TBC1D22A: variants seen among roughly 807,000 people sequenced by gnomAD.
TBC1D22A encodes the protein putative GTPase activator.
Under a neutral mutation model 60.2 loss-of-function variants are expected in TBC1D22A, and 38 were observed. That is an observed-to-expected ratio of 0.63 (90% CI 0.49 to 0.83). The LOEUF (loss-of-function observed/expected upper bound fraction) is 0.83. TBC1D22A is among the 40% of genes least tolerant of loss of function. TBC1D22A has a pLI of 0.00. For synonymous variants in TBC1D22A, 302 were observed against 281.7 expected, an observed-to-expected ratio of 1.07 and a Z score of -0.72; for missense variants, 628 against 701.0, an observed-to-expected ratio of 0.90 and a Z score of 1.18.
At chr22:46,880,103 T>C (rs1197501970) in intron 5 of TBC1D22A, among the ~76,000 whole-genome samples, 2 of 152,192 alleles carry the variant, frequency 1.3e-5, no homozygotes, top group Non-Finnish European at 2.9e-5. Flanking sequence ...AAGTTTATTT[T>C]GCCAAGGTTG....
intron 4 of TBC1D22A, among the ~76,000 whole-genome samples, chr22:46,801,986 TG>T (rs1193358015): frequency 6.6e-6 from 1 of 152,232 alleles, no homozygotes; most frequent in Non-Finnish European, 1.5e-5. Flanking sequence ...TGAAGGGGCC[TG>T]GGCCCTTGGT....
chr22:46,985,550 T>G (rs922194386), intron 9 of TBC1D22A, among the ~76,000 whole-genome samples: 7 of 152,252 alleles, frequency 4.6e-5, no homozygotes, highest in African/African-American at 1.7e-4. Context: ...TTACAGTAGC[T>G]TTGAAAACCC....
intron 11 of TBC1D22A, among the ~76,000 whole-genome samples, chr22:47,054,011 C>T (rs1226354371): frequency 6.6e-6 from 1 of 152,182 alleles, no homozygotes; most frequent in Non-Finnish European, 1.5e-5. Flanking sequence ...ATCAGTCATC[C>T]GGCTTCGAAG....
intron 8 of TBC1D22A, among the ~76,000 whole-genome samples, chr22:46,958,378 C>G (rs1295894492): frequency 6.6e-6 from 1 of 152,154 alleles, no homozygotes; most frequent in Non-Finnish European, 1.5e-5. Flanking sequence ...CCAGGGCAGC[C>G]TGTATCCTCT....
chr22:46,844,500 G>A (rs1313632491), intron 4 of TBC1D22A, among the ~76,000 whole-genome samples: 1 of 152,236 alleles, frequency 6.6e-6, no homozygotes, highest in Non-Finnish European at 1.5e-5. Flanking sequence ...CCAGATGTCT[G>A]TGTGGTTGAG....
chr22:47,034,963 C>T (rs1017415012), intron 10 of TBC1D22A, among the ~76,000 whole-genome samples: 1 of 152,276 alleles, frequency 6.6e-6, no homozygotes, highest in East Asian at 1.9e-4. Flanking sequence ...TCCTGAGGCA[C>T]CAGCGTTCCC....
At chr22:46,816,125 G>T (rs1283020069) in intron 4 of TBC1D22A, among the ~76,000 whole-genome samples, 1 of 152,112 alleles carries the variant, frequency 6.6e-6, no homozygotes, top group Admixed American at 6.5e-5. Flanking sequence ...TGTCCTGGGA[G>T]CCTGCCCTGG....
chr22:46,843,246 C>T (rs1200276033), intron 4 of TBC1D22A, among the ~76,000 whole-genome samples: 1 of 152,116 alleles, frequency 6.6e-6, no homozygotes, highest in Non-Finnish European at 1.5e-5. Flanking sequence ...ATTCGGTGTA[C>T]TAATACAGTA....
At chr22:47,017,785 T>C (rs2061956346) in intron 10 of TBC1D22A, among the ~76,000 whole-genome samples, 1 of 152,242 alleles carries the variant, frequency 6.6e-6, no homozygotes, top group Non-Finnish European at 1.5e-5. Flanking sequence ...GTTCTTTGTA[T>C]GTAATGGTGA....
chr22:47,072,557 C>T (rs531168172), intron 11 of TBC1D22A, among the ~76,000 whole-genome samples: 1 of 152,216 alleles, frequency 6.6e-6, no homozygotes, highest in Non-Finnish European at 1.5e-5. Context: ...CTTGGCCACA[C>T]CCCTGTTAGC....
chr22:46,797,185 C>G (rs1349820921), intron 3 of TBC1D22A, among the ~76,000 whole-genome samples: 2 of 152,188 alleles, frequency 1.3e-5, no homozygotes, highest in African/African-American at 4.8e-5. Context: ...CCCGAGGGGC[C>G]CTGGAGTTTT....
intron 11 of TBC1D22A, among the ~76,000 whole-genome samples, chr22:47,060,757 C>G (rs1289053429): frequency 1.3e-5 from 2 of 152,186 alleles, no homozygotes; most frequent in Non-Finnish European, 2.9e-5. Flanking sequence ...GAGGAAAATG[C>G]TGCCAGAAAG....
At chr22:46,806,896 G>C (rs995496687) in intron 4 of TBC1D22A, among the ~76,000 whole-genome samples, 1 of 152,234 alleles carries the variant, frequency 6.6e-6, no homozygotes, top group Non-Finnish European at 1.5e-5. Flanking sequence ...TGGGTTTGCT[G>C]ATATGAGGAG....
intron 12 of TBC1D22A, among the ~76,000 whole-genome samples, chr22:47,138,222 C>T (rs1371895664): frequency 1.3e-5 from 2 of 152,298 alleles, no homozygotes. Flanking sequence ...TTTATAAAAG[C>T]GACAGCATCT....
chr22:46,806,563 T>C lies in TBC1D22A; in HGVS notation c.637+8943T>C, dbSNP rs1013005057. ...AATTAAATTAAATATTAAAAATATT[T>C]AAAAATTATTTAGAAAATATTATTT... On this transcript the variant is annotated intron_variant, in intron 4 of 12. Coordinates refer to ENST00000337137, the MANE Select transcript of TBC1D22A (RefSeq NM_014346.5). Among the ~76,000 whole-genome samples, 5 of 150,752 alleles carry C rather than the reference T, an allele frequency of 3.3e-5. No individual in the cohort carries two copies. The East Asian group carries it at 9.6e-4, about 29-fold the overall frequency.
rs373216400 is a variant in TBC1D22A, at chr22:47,017,922, G to A, written c.1202-19149G>A. Among the ~76,000 whole-genome samples the A allele has an allele frequency of 2.6e-5, 4 of 152,328 alleles. No homozygotes were observed. In the East Asian group the frequency reaches 7.7e-4, roughly 29 times the overall value. ...ACTTTGTCCTGCTCTCTTGGTAGCC[G>A]CGAACGTCCCTTTAATACGTTCCAT... is the stretch of plus-strand genomic sequence containing the variant. On this transcript the variant is annotated intron_variant, in intron 10 of 12. Coordinates refer to ENST00000337137, the MANE Select transcript of TBC1D22A (RefSeq NM_014346.5).
chr22:46,769,259 T>C (rs1441102884), intron 1 of TBC1D22A, among the ~76,000 whole-genome samples: 3 of 152,312 alleles, frequency 2.0e-5, no homozygotes, highest in Non-Finnish European at 4.4e-5. Flanking sequence ...GAGATGTCTG[T>C]GAGCAAATCA....
intron 8 of TBC1D22A, among the ~76,000 whole-genome samples, chr22:46,951,053 C>T (rs2072873863): frequency 6.6e-6 from 1 of 152,198 alleles, no homozygotes; most frequent in South Asian, 2.1e-4. Context: ...CAGCCCAGCA[C>T]TTCCGGAGCT....
In TBC1D22A at chr22:46,958,440, G is replaced by A. The variant is rs907564888; in HGVS notation, c.1016-15850G>A. Among the ~76,000 whole-genome samples the A allele has an allele frequency of 2.0e-5, 3 of 152,278 alleles. No homozygotes were observed. In the East Asian group the frequency reaches 5.8e-4, roughly 30 times the overall value. Reference sequence around the variant, plus strand: ...TCGTTACATTGGGATGGGACAGGGGGCTCGGCATATGCATGTGGAGAGGCC... The same window carrying A: ...TCGTTACATTGGGATGGGACAGGGGACTCGGCATATGCATGTGGAGAGGCC... On this transcript the variant is annotated intron_variant, in intron 8 of 12. Transcript: ENST00000337137.
Sources: allele counts gnomAD v4.1 joint callset (sites outside exome capture counted in the v4.1 genomes callset), GRCh38; gene constraint gnomAD v4.1.1; transcripts MANE v1.5; gene names NCBI Gene and HGNC (gene_info 2026-07-23, HGNC 2026-07-21).